The following GLT1D1 variants were observed in gnomAD, a reference collection of about 807,000 sequenced individuals.
The protein encoded by GLT1D1 is glycosyltransferase 1 domain-containing protein 1.
Under a neutral mutation model 28.7 loss-of-function variants are expected in GLT1D1, and 21 were observed. The observed-to-expected ratio is 0.73, with a 90% CI of 0.52 to 1.05. GLT1D1 has a LOEUF of 1.05. Among genes scored for constraint, GLT1D1 ranks in the 50% least tolerant of loss-of-function variants. The pLI is 0.00. For synonymous variants in GLT1D1, 147 were observed against 124.8 expected, an observed-to-expected ratio of 1.18 and a Z score of -1.19; for missense variants, 343 against 330.6, an observed-to-expected ratio of 1.04 and a Z score of -0.29.
intron 7 of GLT1D1, among the ~76,000 whole-genome samples, chr12:128,961,018 C>T (rs1303910689): frequency 6.6e-6 from 1 of 152,106 alleles, no homozygotes; most frequent in Non-Finnish European, 1.5e-5. Flanking sequence ...GTTTAATACC[C>T]CAGTTACCTA....
intron 3 of GLT1D1, among the ~76,000 whole-genome samples, chr12:128,897,776 C>T (rs1869813593): frequency 6.6e-6 from 1 of 152,150 alleles, no homozygotes; most frequent in African/African-American, 2.4e-5. Flanking sequence ...TCACACCATC[C>T]TCCTGCCTCA....
intron 4 of GLT1D1, among the ~76,000 whole-genome samples, chr12:128,913,371 C>A (rs1459026748): frequency 6.6e-6 from 1 of 152,134 alleles, no homozygotes; most frequent in Non-Finnish European, 1.5e-5. Context: ...AGGTGCCCCC[C>A]CACCACGCCC....
chr12:128,925,186 T>G (rs1873080573), intron 4 of GLT1D1, among the ~76,000 whole-genome samples: 1 of 152,220 alleles, frequency 6.6e-6, no homozygotes, highest in African/African-American at 2.4e-5. Flanking sequence ...TTTCTTCAAC[T>G]TTTATTTTAA....
intron 7 of GLT1D1, among the ~76,000 whole-genome samples, chr12:128,978,721 A>C (rs540833698): frequency 1.3e-5 from 2 of 152,192 alleles, no homozygotes; most frequent in Non-Finnish European, 2.9e-5. Context: ...GTGAGGGAGT[A>C]GAAGAATGGC....
chr12:128,925,911 C>A (rs982794165), intron 4 of GLT1D1, among the ~76,000 whole-genome samples: 2 of 152,020 alleles, frequency 1.3e-5, no homozygotes, highest in Admixed American at 1.3e-4. Context: ...AGAGTAGGGG[C>A]GGGGTGTGGT....
intron 2 of GLT1D1, among the ~76,000 whole-genome samples, chr12:128,884,140 A>C (rs1357799955): frequency 6.6e-6 from 1 of 152,198 alleles, no homozygotes; most frequent in Non-Finnish European, 1.5e-5. Flanking sequence ...CACTATTCAA[A>C]ACAGGCAGGA....
At chr12:128,959,194 A>G (rs919936609) in intron 7 of GLT1D1, among the ~76,000 whole-genome samples, 4 of 151,802 alleles carry the variant, frequency 2.6e-5, no homozygotes, top group Non-Finnish European at 5.9e-5. Context: ...ATTAAAGCAC[A>G]TATGATATTC....
chr12:128,855,532 C>G (rs1192642789), intron 1 of GLT1D1, among the ~76,000 whole-genome samples: 1 of 152,138 alleles, frequency 6.6e-6, no homozygotes, highest in South Asian at 2.1e-4. Context: ...CACCACTGAA[C>G]TCCAGCCTGG....
At chr12:128,899,804 A>G (rs960957991) in intron 4 of GLT1D1, among the ~76,000 whole-genome samples, 10 of 152,064 alleles carry the variant, frequency 6.6e-5, no homozygotes, top group Non-Finnish European at 1.0e-4. Context: ...TGCCCGCCTC[A>G]GCATCCCAAA....
At chr12:128,975,441 G>GT (rs1185709762) in intron 7 of GLT1D1, among the ~76,000 whole-genome samples, 32 of 106,954 alleles carry the variant, frequency 3.0e-4, no homozygotes, top group Middle Eastern at 4.3e-3. Flanking sequence ...TCCCATAGCT[G>GT]TTTTTTTGTT....
chr12:128,972,174 G>T (rs1879246683), intron 7 of GLT1D1, among the ~76,000 whole-genome samples: 1 of 152,086 alleles, frequency 6.6e-6, no homozygotes, highest in Non-Finnish European at 1.5e-5. Flanking sequence ...GCTCTAATGG[G>T]CCCCATCACT....
chr12:128,944,667 T>C, intron 4 of GLT1D1: 1 of 723,338 alleles, frequency 1.4e-6, no homozygotes, highest in Non-Finnish European at 2.6e-6. Context: ...CCTGTGGAAG[T>C]GTCCTTGGAA....
In GLT1D1 at chr12:128,935,568, A is replaced by G. The variant is rs146910773; in HGVS notation, c.376-9758A>G. ...AAAAAAAAAAAAAGAACAATAGAGTAGAGATGTTCTTAGATTGCCTAAAAT... is the reference window on the plus strand; with the variant it reads ...AAAAAAAAAAAAAGAACAATAGAGTGGAGATGTTCTTAGATTGCCTAAAAT... On this transcript the variant is annotated intron_variant, in intron 4 of 7. Coordinates refer to ENST00000281703, the MANE Select transcript of GLT1D1 (RefSeq NM_144669.3). Among the ~76,000 whole-genome samples the G allele has an allele frequency of 6.7e-3, 1,015 of 151,124 alleles. 18 individuals are homozygous for G. The highest frequency in any genetic ancestry group is 0.024 in the African/African-American group (971 of 41,026).
chr12:128,905,829 T>C (rs1379126576), intron 4 of GLT1D1, among the ~76,000 whole-genome samples: 1 of 59,600 alleles, frequency 1.7e-5, no homozygotes, highest in East Asian at 5.6e-4. Context: ...CTTTTAAGTG[T>C]TTTTTTTTTT....
Position 128,965,343 on chromosome 12 carries a change from A to C in GLT1D1, c.639+7700A>C, listed in dbSNP as rs183242277. Among the ~76,000 whole-genome samples the C allele has an allele frequency of 5.0e-4, 76 of 152,290 alleles. No homozygotes were observed. The Middle Eastern group carries it at 0.017, about 34-fold the overall frequency. ...GTGGGAGAAAGATGGCTTGGGCCCT[A>C]CAACCACAGAAACTGAATTCTGCCA... On this transcript the variant is annotated intron_variant, in intron 7 of 7. Transcript: ENST00000281703.
At chr12:128,884,916 GA>G (rs1957142293) in intron 2 of GLT1D1, among the ~76,000 whole-genome samples, 1 of 148,122 alleles carries the variant, frequency 6.8e-6, no homozygotes, top group African/African-American at 2.5e-5. Flanking sequence ...TAATTAGCTT[GA>G]TTTTTTTTTT....
At chr12:128,941,630 T>C (rs1875262256) in intron 4 of GLT1D1, among the ~76,000 whole-genome samples, 2 of 140,374 alleles carry the variant, frequency 1.4e-5, no homozygotes, top group Admixed American at 7.6e-5. Context: ...TGGAGTGCAA[T>C]GCGGTCATCT....
At position 128,983,186 on chromosome 12, in the gene GLT1D1, A is replaced by C. The variant is rs1171919296; in HGVS notation, c.*96A>C. 1.8e-6 allele frequency: 2 copies of C among 1,116,356 alleles called. No homozygotes were observed. Among genetic ancestry groups the C allele is most frequent in the Non-Finnish European group, 2.6e-6 (2 of 765,960 alleles). The allele number at this position is 1,116,356 out of a possible 1,614,324, so 69.2% of individuals were successfully genotyped here. Reference sequence around the variant, plus strand: ...GATCACGTGGGCCCAGTGCAGTTCAAATAAAACCAGCCTCAGCGGAATCCT... The same window carrying C: ...GATCACGTGGGCCCAGTGCAGTTCACATAAAACCAGCCTCAGCGGAATCCT... On this transcript the variant is annotated 3_prime_UTR_variant, in exon 8 of 8. Transcript: ENST00000281703. The surrounding 1 kb of genome is among the most constrained non-coding windows in gnomAD (Gnocchi z 4.7).
chr12:128,975,448 T>C (rs1593217015), intron 7 of GLT1D1, among the ~76,000 whole-genome samples: 1 of 107,474 alleles, frequency 9.3e-6, no homozygotes, highest in East Asian at 2.3e-4. Context: ...GCTGTTTTTT[T>C]GTTTTTTATT....
Sources: gnomAD v4.1 joint callset for allele counts (sites outside exome capture counted in the v4.1 genomes callset) on GRCh38, gnomAD v4.1.1 for gene constraint, Gnocchi (gnomAD v3.1) non-coding constraint, MANE v1.5 for transcripts, NCBI Gene and HGNC (gene_info 2026-07-23, HGNC 2026-07-21) for gene names.